Variants in UNC13C observed in about 807,000 individuals in gnomAD.
UNC13C encodes the protein unc-13 homolog C, also known as protein unc-13 homolog C.
Under a neutral mutation model 245.4 loss-of-function variants are expected in UNC13C, and 174 were observed. The observed-to-expected ratio is 0.71, with a 90% CI of 0.63 to 0.80. UNC13C has a LOEUF of 0.80. UNC13C is among the 30% of genes least tolerant of loss of function. The pLI is 0.00. For missense variants in UNC13C, 2,829 were observed against 2,602.9 expected, an observed-to-expected ratio of 1.09 and a Z score of -1.89; for synonymous variants, 992 against 895.1, an observed-to-expected ratio of 1.11 and a Z score of -1.93.
intron 13 of UNC13C, chr15:54,321,288 A>G (rs981822103): frequency 4.2e-6 from 2 of 473,876 alleles, no homozygotes; most frequent in Non-Finnish European, 8.3e-6. Flanking sequence ...AATCACTTCA[A>G]TTTCCCTGTA....
At chr15:54,016,288 G>T (rs1895654551) in intron 2 of UNC13C, among the ~76,000 whole-genome samples, 1 of 152,156 alleles carries the variant, frequency 6.6e-6, no homozygotes, top group Admixed American at 6.5e-5. Flanking sequence ...CAGGGATGGA[G>T]AAAAAGGTGT....
At chr15:54,575,936 A>G (rs1246401792) in intron 30 of UNC13C, among the ~76,000 whole-genome samples, 2 of 152,192 alleles carry the variant, frequency 1.3e-5, no homozygotes, top group Non-Finnish European at 2.9e-5. Flanking sequence ...TCACTTCACC[A>G]AGGTGGATGA....
chr15:54,111,196 A>G (rs1900752358), intron 2 of UNC13C, among the ~76,000 whole-genome samples: 1 of 152,238 alleles, frequency 6.6e-6, no homozygotes, highest in African/African-American at 2.4e-5. Flanking sequence ...AAGATGGACA[A>G]TAGACATCAA....
chr15:53,918,126 C>T, the UNC13C span, among the ~76,000 whole-genome samples: 3,181 of 152,228 alleles, frequency 0.021, 65 homozygotes, highest in East Asian at 0.07. Context: ...ATTTTGTTTT[C>T]GTGAGAATGA....
Position 54,014,137 on chromosome 15 carries a change from G to T in UNC13C, c.1234G>T (p.Asp412Tyr). 1.2e-6 allele frequency: 2 copies of T among 1,613,716 alleles called. No homozygotes were observed. The highest frequency in any genetic ancestry group is 1.7e-6 in the Non-Finnish European group (2 of 1,179,818). Residue 412 changes from aspartate (D) to tyrosine (Y), a missense_variant, in exon 2 of 33, where the codon GAC becomes TAC. By Grantham distance (160) the Asp-to-Tyr change is radical. Coordinates refer to ENST00000260323, the MANE Select transcript of UNC13C (RefSeq NM_001080534.3). Reference sequence around the variant, plus strand: ...AATCTCAACAGATATTCTAACTCATGACATCAGAGAAAGAAAAGAGAAAGG... The same window carrying T: ...AATCTCAACAGATATTCTAACTCATTACATCAGAGAAAGAAAAGAGAAAGG... ...IGISTDILTH[D>Y]IRERKEKGIP... is the part of the protein sequence containing the mutation.
chr15:54,439,254 T>C (rs1352395029), intron 19 of UNC13C, among the ~76,000 whole-genome samples: 1 of 152,008 alleles, frequency 6.6e-6, no homozygotes, highest in Non-Finnish European at 1.5e-5. Flanking sequence ...AACAAATTAA[T>C]TACCTAATCC....
chr15:53,840,991 A>C, the UNC13C span, among the ~76,000 whole-genome samples: 1 of 152,152 alleles, frequency 6.6e-6, no homozygotes, highest in South Asian at 2.1e-4. Context: ...GCTCAAAGCT[A>C]TCAGCAGTGA....
chr15:54,122,919 C>T (rs1379347797), intron 2 of UNC13C, among the ~76,000 whole-genome samples: 1 of 152,008 alleles, frequency 6.6e-6, no homozygotes. Flanking sequence ...TATGAAATTT[C>T]ACATTTAAGT....
intron 1 of UNC13C, among the ~76,000 whole-genome samples, chr15:54,001,656 G>A (rs1011484037): frequency 3.3e-5 from 5 of 152,074 alleles, no homozygotes; most frequent in Non-Finnish European, 7.4e-5. Context: ...GATGTTGTGG[G>A]CACTTCTCTA....
At chr15:53,998,238 C>T (rs1033628337) in intron 1 of UNC13C, among the ~76,000 whole-genome samples, 1 of 152,076 alleles carries the variant, frequency 6.6e-6, no homozygotes, top group Non-Finnish European at 1.5e-5. Flanking sequence ...ATCTATAGAT[C>T]ACTTTGGGGA....
intron 2 of UNC13C, among the ~76,000 whole-genome samples, chr15:54,059,981 G>A (rs1897734476): frequency 6.6e-6 from 1 of 152,194 alleles, no homozygotes; most frequent in African/African-American, 2.4e-5. Flanking sequence ...ATGGATTAAA[G>A]ACTTACATGT....
chr15:53,863,596 G>T, the UNC13C span, among the ~76,000 whole-genome samples: 1 of 152,216 alleles, frequency 6.6e-6, no homozygotes, highest in South Asian at 2.1e-4. Flanking sequence ...TCAGAGATTT[G>T]TGCAATCATT....
chr15:53,965,821 G>T, the UNC13C span, among the ~76,000 whole-genome samples: 1 of 151,908 alleles, frequency 6.6e-6, no homozygotes, highest in Non-Finnish European at 1.5e-5. Context: ...GCGGTGTTTG[G>T]TTTTCTGTTC....
intron 17 of UNC13C, among the ~76,000 whole-genome samples, chr15:54,376,203 T>A (rs980306887): frequency 6.6e-6 from 1 of 152,092 alleles, no homozygotes; most frequent in Non-Finnish European, 1.5e-5. Context: ...AATTCAAGGA[T>A]TGAATAGAAG....
chr15:54,273,802 G>T (rs1224426977), intron 10 of UNC13C, among the ~76,000 whole-genome samples: 1 of 152,072 alleles, frequency 6.6e-6, no homozygotes, highest in Non-Finnish European at 1.5e-5. Context: ...CTCACTTCTT[G>T]GATGTACCCC....
At chr15:54,318,907 C>A (rs949590715) in intron 13 of UNC13C, among the ~76,000 whole-genome samples, 29 of 151,840 alleles carry the variant, frequency 1.9e-4, no homozygotes, top group African/African-American at 7.0e-4. Flanking sequence ...ATTCCTGTGT[C>A]GCTCTACTAT....
intron 2 of UNC13C, among the ~76,000 whole-genome samples, chr15:54,138,953 ATTTTTT>A (rs56255946): frequency 1.2e-4 from 6 of 48,640 alleles, no homozygotes; most frequent in African/African-American, 1.6e-4. Flanking sequence ...ATTTCCCCTA[ATTTTTT>A]TTTTTTTTTT....
chr15:54,359,971 T>G (rs977913913), intron 17 of UNC13C, among the ~76,000 whole-genome samples: 1 of 152,022 alleles, frequency 6.6e-6, no homozygotes, highest in African/African-American at 2.4e-5. Flanking sequence ...ACTTCCCTCT[T>G]AAAACTGCTT....
At chr15:54,075,006 G>A (rs896556254) in intron 2 of UNC13C, among the ~76,000 whole-genome samples, 15 of 152,176 alleles carry the variant, frequency 9.9e-5, no homozygotes, top group African/African-American at 3.6e-4. Flanking sequence ...TAGGTTTTTA[G>A]TATCATCAAT....
Sources: gnomAD v4.1 joint callset for allele counts (sites outside exome capture counted in the v4.1 genomes callset) on GRCh38, gnomAD v4.1.1 for gene constraint, MANE v1.5 for transcripts, NCBI Gene and HGNC (gene_info 2026-07-23, HGNC 2026-07-21) for gene names.